The following CDH20 variants were observed in gnomAD, a reference collection of about 807,000 sequenced individuals.
CDH20 encodes cadherin 20.
CDH20 carries 29 observed loss-of-function variants against 74.2 expected under a neutral mutation model. The observed-to-expected ratio is 0.39, with a 90% confidence interval of 0.29 to 0.53. The LOEUF (loss-of-function observed/expected upper bound fraction) is 0.53, where lower values mean the gene tolerates loss of function less well. Ranked by LOEUF, CDH20 falls within the 20% of genes least tolerant of loss-of-function variation. CDH20 has a pLI of 0.69. For synonymous variants in CDH20, 469 were observed against 405.4 expected (o/e 1.16, Z -1.88); for missense variants, 988 against 1,048.3 (o/e 0.94, Z 0.79).
At chr18:61,341,433 G>GTT (rs1568101499) in intron 1 of CDH20, among the ~76,000 whole-genome samples, 3 of 151,346 alleles carry the variant, frequency 2.0e-5, no homozygotes, top group African/African-American at 7.4e-5. Context: ...CCCCCCCCCC[G>GTT]CCTAATGCCG....
intron 1 of CDH20, among the ~76,000 whole-genome samples, chr18:61,423,987 G>A (rs1013808483): frequency 6.6e-6 from 1 of 151,674 alleles, no homozygotes; most frequent in Non-Finnish European, 1.5e-5. Context: ...ACCCTTCTTC[G>A]CTTCCTACGC....
At chr18:61,530,920 G>A (rs908777646) in intron 7 of CDH20, among the ~76,000 whole-genome samples, 36 of 152,228 alleles carry the variant, frequency 2.4e-4, no homozygotes, top group African/African-American at 8.0e-4. Flanking sequence ...CAAGCAGGGA[G>A]TCCGGAAAGC....
At chr18:61,513,112 C>G (rs1206152595) in intron 6 of CDH20, among the ~76,000 whole-genome samples, 2 of 149,640 alleles carry the variant, frequency 1.3e-5, no homozygotes, top group Non-Finnish European at 3.0e-5. Context: ...GTGTTAAAGT[C>G]TCCCATTATT....
At chr18:61,481,574 T>C (rs1466268189) in intron 1 of CDH20, among the ~76,000 whole-genome samples, 2 of 152,242 alleles carry the variant, frequency 1.3e-5, no homozygotes, top group African/African-American at 4.8e-5. Context: ...CAGTGAGATT[T>C]TTGGTTTGTT....
intron 1 of CDH20, among the ~76,000 whole-genome samples, chr18:61,443,582 C>G (rs1288909062): frequency 6.6e-6 from 1 of 152,130 alleles, no homozygotes; most frequent in Non-Finnish European, 1.5e-5. Context: ...TGTCCACAAA[C>G]TATTTGTTCC....
At chr18:61,366,316 A>C (rs1039914815) in intron 1 of CDH20, among the ~76,000 whole-genome samples, 1 of 152,180 alleles carries the variant, frequency 6.6e-6, no homozygotes, top group African/African-American at 2.4e-5. Flanking sequence ...AATACTGAGA[A>C]TGTTTTTTAA....
At chr18:61,523,725 A>G (rs574725751) in intron 6 of CDH20, among the ~76,000 whole-genome samples, 2 of 152,306 alleles carry the variant, frequency 1.3e-5, no homozygotes, top group African/African-American at 4.8e-5. Flanking sequence ...TACAATACGG[A>G]ATACTATGCA....
intron 5 of CDH20, 111 bp downstream of exon 5, chr18:61,503,231 T>C: frequency 1.3e-6 from 1 of 748,706 alleles, no homozygotes; most frequent in Non-Finnish European, 2.1e-6. Flanking sequence ...CAATTATCCA[T>C]AGATTCCTTT....
At chr18:61,458,993 T>A (rs990230639) in intron 1 of CDH20, among the ~76,000 whole-genome samples, 6 of 152,214 alleles carry the variant, frequency 3.9e-5, no homozygotes, top group Admixed American at 2.0e-4. Context: ...CAACTTTAAG[T>A]GTGTTAAGAA....
intron 1 of CDH20, among the ~76,000 whole-genome samples, chr18:61,352,390 A>G (rs1400473192): frequency 6.6e-6 from 1 of 152,246 alleles, no homozygotes; most frequent in Non-Finnish European, 1.5e-5. Flanking sequence ...CTGTGATAAA[A>G]TATGCATCAA....
rs113254321 is a variant in CDH20 at position 61,490,492 on chromosome 18, G to A, written c.-62G>A. The A allele has an allele frequency of 5.9e-6, 9 of 1,536,220 alleles. No homozygotes were observed. The highest frequency in any genetic ancestry group is 5.5e-5 in the African/African-American group (4 of 72,392). ...AAAACTGTGTATTTTTTTAAATTTG[G>A]AAAATACTCAAGTTCCAGTTGCTTA... On this transcript the variant is annotated 5_prime_UTR_variant, in exon 2 of 12. Coordinates refer to ENST00000262717, the MANE Select transcript of CDH20 (RefSeq NM_031891.4).
chr18:61,504,033 GA>G (rs5825445), intron 5 of CDH20, among the ~76,000 whole-genome samples: 150,145 of 151,682 alleles, frequency 0.99, 74,327 homozygotes, highest in East Asian at 1. Flanking sequence ...CTGAATGGAA[GA>G]AAAAAAAAAC....
At chr18:61,544,664 G>A (rs933271102) in intron 9 of CDH20, among the ~76,000 whole-genome samples, 2 of 152,088 alleles carry the variant, frequency 1.3e-5, no homozygotes, top group African/African-American at 2.4e-5. Flanking sequence ...GTCTGCTGGT[G>A]TGCTCCTCTT....
At chr18:61,392,824 A>G (rs1020235974) in intron 1 of CDH20, among the ~76,000 whole-genome samples, 67 of 151,286 alleles carry the variant, frequency 4.4e-4, no homozygotes, top group African/African-American at 1.5e-3. Context: ...TTCATCACAA[A>G]TTTTGAACCA....
intron 1 of CDH20, among the ~76,000 whole-genome samples, chr18:61,448,631 T>C (rs1329171672): frequency 6.6e-6 from 1 of 152,202 alleles, no homozygotes; most frequent in Non-Finnish European, 1.5e-5. Context: ...TTGGTGTTAT[T>C]GGCCTTATTT....
intron 1 of CDH20, among the ~76,000 whole-genome samples, chr18:61,347,290 ATATATATATAT>A (rs1910144740): frequency 8.9e-4 from 38 of 42,706 alleles, no homozygotes; most frequent in African/African-American, 3.6e-3. Flanking sequence ...CTCTGCTAAT[ATATATATATAT>A]ATATATATAT....
intron 1 of CDH20, among the ~76,000 whole-genome samples, chr18:61,416,043 T>TA (rs199508830): frequency 0.22 from 32,558 of 148,654 alleles, 3,605 homozygotes; most frequent in Non-Finnish European, 0.26. Context: ...TTCCAAGATG[T>TA]AAAAAAAAAA....
At chr18:61,380,435 T>G (rs1285433616) in intron 1 of CDH20, among the ~76,000 whole-genome samples, 1 of 152,242 alleles carries the variant, frequency 6.6e-6, no homozygotes, top group African/African-American at 2.4e-5. Context: ...TATGGGTTGC[T>G]TTTGTGTTGT....
At chr18:61,438,494 T>C (rs1214752952) in intron 1 of CDH20, among the ~76,000 whole-genome samples, 1 of 152,102 alleles carries the variant, frequency 6.6e-6, no homozygotes, top group African/African-American at 2.4e-5. Flanking sequence ...TGATCCAAAA[T>C]ATTTACAGTA....
Sources: allele counts gnomAD v4.1 joint callset (sites outside exome capture counted in the v4.1 genomes callset), GRCh38; gene constraint gnomAD v4.1.1; transcripts MANE v1.5; gene names NCBI Gene and HGNC (gene_info 2026-07-23, HGNC 2026-07-21).